The following SUPT3H variants were observed in gnomAD, a reference collection of about 807,000 sequenced individuals.
SUPT3H encodes the protein SPT3 homolog, SAGA and STAGA complex component.
A neutral mutation model predicts 44.3 loss-of-function variants in SUPT3H; 44 were observed. The ratio of observed to expected loss-of-function variants is 0.99; its 90% CI spans 0.78 to 1.28. The LOEUF (loss-of-function observed/expected upper bound fraction) is 1.28. Among genes scored for constraint, SUPT3H ranks in the 50% most tolerant of loss-of-function variants. The pLI, the probability that SUPT3H is intolerant of heterozygous loss-of-function variation, is 0.00. For missense variants in SUPT3H, 380 were observed against 387.1 expected, an observed-to-expected ratio of 0.98 and a Z score of 0.15; for synonymous variants, 124 against 125.6, an observed-to-expected ratio of 0.99 and a Z score of 0.09.
At chr6:44,956,122 A>G (rs942165510) in intron 7 of SUPT3H, among the ~76,000 whole-genome samples, 2 of 150,974 alleles carry the variant, frequency 1.3e-5, no homozygotes, top group South Asian at 4.2e-4. Flanking sequence ...TCCGTCTCAA[A>G]AAAAAAAAAG....
rs1029568503 is a variant in SUPT3H, at chr6:44,851,465, T to C, written c.913-21608A>G. ...AGAAGGAAATAAATCCAACTTCAGATTGATCTACCAAAATACTCAGTCTCT... is the reference window on the plus strand; with the variant it reads ...AGAAGGAAATAAATCCAACTTCAGACTGATCTACCAAAATACTCAGTCTCT... On this transcript the variant is annotated intron_variant, in intron 10 of 10. Coordinates refer to ENST00000371459, the MANE Select transcript of SUPT3H (RefSeq NM_003599.4). 2.0e-5 allele frequency among the ~76,000 whole-genome samples: 3 copies of C among 152,220 alleles called. No individual in the cohort carries two copies. The South Asian group carries it at 6.2e-4, about 31-fold the overall frequency.
intron 6 of SUPT3H, among the ~76,000 whole-genome samples, chr6:44,996,669 T>G (rs1270756335): frequency 2.0e-5 from 3 of 151,830 alleles, no homozygotes; most frequent in Non-Finnish European, 4.4e-5. Context: ...AACAGACCAC[T>G]CCCTACTCCC....
At chr6:45,140,922 C>T (rs1805076406) in intron 2 of SUPT3H, among the ~76,000 whole-genome samples, 1 of 152,198 alleles carries the variant, frequency 6.6e-6, no homozygotes, top group African/African-American at 2.4e-5. Context: ...GAGTTCCAAG[C>T]TTTTCCACTG....
chr6:45,069,226 T>C (rs1793984548), intron 3 of SUPT3H, among the ~76,000 whole-genome samples: 1 of 152,152 alleles, frequency 6.6e-6, no homozygotes, highest in South Asian at 2.1e-4. Context: ...ACAATAACAG[T>C]ATAAACCAAT....
chr6:44,913,981 T>A lies in SUPT3H; in HGVS notation c.912+18672A>T, dbSNP rs747176667. 6.9e-4 allele frequency among the ~76,000 whole-genome samples: 105 copies of A among 152,252 alleles called. 1 individual carries two copies. Among genetic ancestry groups the A allele is most frequent in the Non-Finnish European group, 1.4e-3 (94 of 68,026 alleles). ...TTCCATTTAATAGCTCATAAAATAG[T>A]CACATGAGTAAAATCTGCCTTCATC... On this transcript the variant is annotated intron_variant, in intron 10 of 10. Coordinates refer to ENST00000371459, the MANE Select transcript of SUPT3H (RefSeq NM_003599.4).
intron 9 of SUPT3H, among the ~76,000 whole-genome samples, chr6:44,934,507 A>T (rs555470288): frequency 6.6e-6 from 1 of 152,354 alleles, no homozygotes; most frequent in East Asian, 1.9e-4. Flanking sequence ...TAGGAGGTTT[A>T]CTATGGTAAG....
At chr6:45,131,722 T>C (rs1278356309) in intron 2 of SUPT3H, among the ~76,000 whole-genome samples, 1 of 152,188 alleles carries the variant, frequency 6.6e-6, no homozygotes, top group Non-Finnish European at 1.5e-5. Context: ...TACTGTAATA[T>C]AGCTAAGCAT....
intron 2 of SUPT3H, among the ~76,000 whole-genome samples, chr6:45,224,596 G>A: frequency 6.6e-6 from 1 of 152,014 alleles, no homozygotes; most frequent in East Asian, 1.9e-4. Context: ...TGGCCAAGAT[G>A]GTGAAATCTC....
intron 3 of SUPT3H, among the ~76,000 whole-genome samples, chr6:45,068,055 A>T (rs1793697573): frequency 7.2e-6 from 1 of 138,700 alleles, no homozygotes; most frequent in Admixed American, 7.4e-5. Flanking sequence ...AAAGACTTGG[A>T]ACCAACCCAA....
At chr6:45,014,324 G>T (rs1783925423) in intron 5 of SUPT3H, among the ~76,000 whole-genome samples, 1 of 152,054 alleles carries the variant, frequency 6.6e-6, no homozygotes, top group African/African-American at 2.4e-5. Context: ...CTGAAGCATG[G>T]TGTTAACTGC....
intron 2 of SUPT3H, among the ~76,000 whole-genome samples, chr6:45,264,067 C>T (rs1774848677): frequency 6.6e-6 from 1 of 152,078 alleles, no homozygotes; most frequent in Admixed American, 6.6e-5. Flanking sequence ...TTACTTGTTT[C>T]ATTAAGTCAA....
At chr6:45,277,193 T>TCATAG (rs1294382895) in intron 2 of SUPT3H, among the ~76,000 whole-genome samples, 1 of 152,212 alleles carries the variant, frequency 6.6e-6, no homozygotes, top group Non-Finnish European at 1.5e-5. Context: ...TATTATTAGT[T>TCATAG]AAGATAAATT....
chr6:45,010,341 A>C (rs1335422041), intron 5 of SUPT3H, among the ~76,000 whole-genome samples: 1 of 152,048 alleles, frequency 6.6e-6, no homozygotes, highest in Non-Finnish European at 1.5e-5. Flanking sequence ...TTTCTGACTA[A>C]ACACCTGGCT....
chr6:45,062,635 A>G (rs1209628737), intron 3 of SUPT3H, among the ~76,000 whole-genome samples: 1 of 152,232 alleles, frequency 6.6e-6, no homozygotes, highest in Non-Finnish European at 1.5e-5. Context: ...AGGGCGAGGC[A>G]TTGCCTCACC....
At chr6:45,098,552 G>C (rs1798113323) in intron 3 of SUPT3H, 1 of 287,698 alleles carries the variant, frequency 3.5e-6, no homozygotes, top group Non-Finnish European at 6.8e-6. Flanking sequence ...AGAGAGGAGA[G>C]GAACATCCAT....
At chr6:45,230,535 T>C (rs1178778527) in intron 2 of SUPT3H, among the ~76,000 whole-genome samples, 1 of 141,122 alleles carries the variant, frequency 7.1e-6, no homozygotes, top group African/African-American at 2.7e-5. Context: ...TTCTGCTCAC[T>C]TTTGGTTTCT....
In SUPT3H at chr6:44,819,064, A is replaced by T. The variant is rs111984500; in HGVS notation, c.*53-9563T>A. Reference sequence around the variant, plus strand: ...TTTTTAATAGCAACGAAATGGAAACAATGCAAATGTCCACTCAATAGCGAA... The same window carrying T: ...TTTTTAATAGCAACGAAATGGAAACTATGCAAATGTCCACTCAATAGCGAA... On this transcript the variant is annotated intron_variant and NMD_transcript_variant, in intron 11 of 11. Transcript: ENST00000475057. 9.0e-3 allele frequency among the ~76,000 whole-genome samples: 1,365 copies of T among 152,338 alleles called. 14 individuals are homozygous for T. Among genetic ancestry groups the T allele is most frequent in the South Asian group, 0.027 (129 of 4,828 alleles).
At chr6:45,103,548 A>G (rs946732636) in intron 3 of SUPT3H, among the ~76,000 whole-genome samples, 5 of 151,694 alleles carry the variant, frequency 3.3e-5, no homozygotes, top group African/African-American at 1.2e-4. Context: ...CACTGACTAA[A>G]TAGCATATTA....
intron 10 of SUPT3H, among the ~76,000 whole-genome samples, chr6:44,853,949 G>C (rs959231043): frequency 6.6e-6 from 1 of 151,016 alleles, no homozygotes. Context: ...AGCTTTTCCT[G>C]CATCAGCTGG....
Sources: allele counts gnomAD v4.1 joint callset (sites outside exome capture counted in the v4.1 genomes callset), GRCh38; gene constraint gnomAD v4.1.1; transcripts MANE v1.5; gene names NCBI Gene and HGNC (gene_info 2026-07-23, HGNC 2026-07-21).